The following SAMD4A variants were observed in gnomAD, a reference collection of about 807,000 sequenced individuals.
SAMD4A encodes protein Smaug homolog 1.
In SAMD4A, 33 loss-of-function variants were observed where a neutral mutation model predicts 81.3. That is an observed-to-expected ratio of 0.41 (90% confidence interval 0.31 to 0.54). SAMD4A has a LOEUF of 0.54. Among genes scored for constraint, SAMD4A ranks in the 20% least tolerant of loss-of-function variants. The pLI is 0.37. For missense variants in SAMD4A, 854 were observed against 951.1 expected (o/e 0.90, Z 1.34); for synonymous variants, 389 against 382.1 (o/e 1.02, Z -0.21).
At chr14:54,664,069 AT>A (rs1365470641) in intron 2 of SAMD4A, among the ~76,000 whole-genome samples, 1 of 152,258 alleles carries the variant, frequency 6.6e-6, no homozygotes, top group Non-Finnish European at 1.5e-5. Flanking sequence ...TTGCTAAAAA[AT>A]AAATTGAGGC....
chr14:54,765,032 G>C (rs2038499526), intron 8 of SAMD4A, among the ~76,000 whole-genome samples: 1 of 152,180 alleles, frequency 6.6e-6, no homozygotes, highest in Non-Finnish European at 1.5e-5. Context: ...TATCCTTTTG[G>C]AGGAGGCCTG....
intron 10 of SAMD4A, 93 bp from the exon 11 acceptor site, chr14:54,776,321 T>G: frequency 7.3e-7 from 1 of 1,370,408 alleles, no homozygotes; most frequent in South Asian, 1.4e-5. Context: ...AGAGTTCTCC[T>G]GGGATCTTTG....
At chr14:54,779,899 C>T (rs779506608) in intron 11 of SAMD4A, among the ~76,000 whole-genome samples, 4 of 152,200 alleles carry the variant, frequency 2.6e-5, no homozygotes, top group South Asian at 2.1e-4. Context: ...GGCGCCTGTG[C>T]GAATGGTCAC....
chr14:54,664,207 C>G (rs192068833), intron 2 of SAMD4A, among the ~76,000 whole-genome samples: 14 of 152,014 alleles, frequency 9.2e-5, no homozygotes, highest in Admixed American at 9.2e-4. Flanking sequence ...AGAAAGAGAA[C>G]CTGAAAATCA....
At chr14:54,607,746 G>A (rs1302256758) in intron 2 of SAMD4A, among the ~76,000 whole-genome samples, 11 of 152,048 alleles carry the variant, frequency 7.2e-5, no homozygotes, top group Non-Finnish European at 1.2e-4. Context: ...GAGCCACCGC[G>A]CCCGGCCTCA....
At chr14:54,677,236 T>C (rs552215053) in intron 2 of SAMD4A, among the ~76,000 whole-genome samples, 1 of 152,254 alleles carries the variant, frequency 6.6e-6, no homozygotes, top group Non-Finnish European at 1.5e-5. Context: ...TACTACACTT[T>C]GTAATGTTTG....
chr14:54,636,799 G>T (rs183090962), intron 2 of SAMD4A, among the ~76,000 whole-genome samples: 24 of 152,274 alleles, frequency 1.6e-4, no homozygotes, highest in African/African-American at 5.5e-4. Context: ...CAGAGATGGG[G>T]AGGGCATTGG....
At chr14:54,706,694 G>C (rs1275212263) in intron 3 of SAMD4A, among the ~76,000 whole-genome samples, 5 of 152,174 alleles carry the variant, frequency 3.3e-5, no homozygotes, top group Middle Eastern at 3.4e-3. Context: ...AAGATGGAAA[G>C]AGGAAGGAGA....
At chr14:54,578,718 A>G (rs2033380156) in intron 2 of SAMD4A, among the ~76,000 whole-genome samples, 1 of 152,186 alleles carries the variant, frequency 6.6e-6, no homozygotes, top group Admixed American at 6.5e-5. Flanking sequence ...TCTTAAAAAA[A>G]TAAAAAATAA....
At chr14:54,576,720 A>G (rs112525799) in intron 2 of SAMD4A, among the ~76,000 whole-genome samples, 2 of 152,352 alleles carry the variant, frequency 1.3e-5, no homozygotes, top group Non-Finnish European at 2.9e-5. Context: ...AAGTTTCAGC[A>G]TAGCCTTTGA....
At chr14:54,650,045 A>G (rs1323112267) in intron 2 of SAMD4A, among the ~76,000 whole-genome samples, 1 of 152,182 alleles carries the variant, frequency 6.6e-6, no homozygotes, top group Non-Finnish European at 1.5e-5. Context: ...CTTTTGAAGA[A>G]CCGTAAGGGA....
chr14:54,672,563 G>C (rs549305975), intron 2 of SAMD4A, among the ~76,000 whole-genome samples: 60 of 152,278 alleles, frequency 3.9e-4, no homozygotes, highest in Admixed American at 8.5e-4. Flanking sequence ...AAAATTGGAG[G>C]ATTTGAACAC....
rs1003197289 is a variant in SAMD4A, at chr14:54,723,956, A to G, written c.716-13068A>G. Among the ~76,000 whole-genome samples the G allele has an allele frequency of 1.1e-3, 162 of 149,944 alleles. 1 individual carries two copies. Among genetic ancestry groups the G allele is most frequent in the African/African-American group, 3.7e-3 (152 of 40,922 alleles). On this transcript the variant is annotated intron_variant, in intron 3 of 12. Transcript: ENST00000554335. ...ATTGTCATCCTTCCTAGTGCTTAGC[A>G]TATGCCCAACACCAGGCAGATGCTC...
chr14:54,576,001 C>CTTTT (rs57819180), intron 2 of SAMD4A, among the ~76,000 whole-genome samples: 50 of 79,998 alleles, frequency 6.3e-4, no homozygotes, highest in East Asian at 5.5e-3. Context: ...TTCTTTCTTT[C>CTTTT]TTTTTTTTTT....
chr14:54,766,168 A>G (rs2038537442), intron 8 of SAMD4A, among the ~76,000 whole-genome samples: 1 of 152,156 alleles, frequency 6.6e-6, no homozygotes, highest in Non-Finnish European at 1.5e-5. Flanking sequence ...ACTTTGTTTC[A>G]GGGACAAGGC....
At chr14:54,695,918 G>A (rs1815250) in intron 2 of SAMD4A, among the ~76,000 whole-genome samples, 36,041 of 143,842 alleles carry the variant, frequency 0.25, 5,281 homozygotes, top group Admixed American at 0.35. Context: ...ATGCCACTGT[G>A]CTCCAGCCTG....
At chr14:54,714,974 T>A (rs2037083360) in intron 3 of SAMD4A, among the ~76,000 whole-genome samples, 1 of 152,168 alleles carries the variant, frequency 6.6e-6, no homozygotes, top group Admixed American at 6.5e-5. Flanking sequence ...GACCAGATTT[T>A]AAAATAATAA....
chr14:54,776,635 C>T, intron 11 of SAMD4A, 95 bp downstream of exon 11: 1 of 1,316,256 alleles, frequency 7.6e-7, no homozygotes, highest in Non-Finnish European at 1.0e-6. Context: ...CCTCGACTGT[C>T]ACCGTGCATT....
At chr14:54,755,876 T>C (rs1447012023) in intron 6 of SAMD4A, among the ~76,000 whole-genome samples, 1 of 152,156 alleles carries the variant, frequency 6.6e-6, no homozygotes. Flanking sequence ...TCTCAAACTG[T>C]GAAACTAAGC....
Sources: allele counts gnomAD v4.1 joint callset (sites outside exome capture counted in the v4.1 genomes callset), GRCh38; gene constraint gnomAD v4.1.1; transcripts MANE v1.5; gene names NCBI Gene and HGNC (gene_info 2026-07-23, HGNC 2026-07-21).